The following SLC39A9 variants were observed in gnomAD, a reference collection of about 807,000 sequenced individuals.
SLC39A9 encodes the protein zinc transporter ZIP9.
A neutral mutation model predicts 28.4 loss-of-function variants in SLC39A9; 14 were observed. The observed-to-expected ratio is 0.49, with a 90% confidence interval of 0.33 to 0.77. The LOEUF is 0.77. Among genes scored for constraint, SLC39A9 ranks in the 30% least tolerant of loss-of-function variants. SLC39A9 has a pLI of 0.02. For synonymous variants in SLC39A9, 119 were observed against 149.6 expected, an observed-to-expected ratio of 0.80 and a Z score of 1.49; for missense variants, 283 against 381.1, an observed-to-expected ratio of 0.74 and a Z score of 2.14.
intron 6 of SLC39A9, among the ~76,000 whole-genome samples, chr14:69,456,411 A>G (rs1229606845): frequency 6.6e-6 from 1 of 152,238 alleles, no homozygotes; most frequent in Non-Finnish European, 1.5e-5. Context: ...ACACACTGTT[A>G]GCAACTAAGA....
intron 1 of SLC39A9, among the ~76,000 whole-genome samples, chr14:69,403,499 T>G (rs1373068194): frequency 6.6e-6 from 1 of 152,198 alleles, no homozygotes; most frequent in Non-Finnish European, 1.5e-5. Flanking sequence ...AAAGGATCAG[T>G]TTTTGTTTTT....
Position 69,459,730 on chromosome 14 carries a change from G to T in SLC39A9, c.*1137G>T. 1 of 984,780 alleles carries T rather than the reference G, an allele frequency of 1.0e-6. No individual in the cohort carries two copies. 61.0% of individuals were successfully genotyped at this position (984,780 alleles called of 1,614,324 possible). A position where few individuals can be genotyped will look rare whatever the true frequency, so the allele number is the denominator to read the frequency against. On this transcript the variant is annotated 3_prime_UTR_variant, in exon 7 of 7. Coordinates refer to ENST00000336643, the MANE Select transcript of SLC39A9 (RefSeq NM_018375.5). ...AAAGCTTATTGGAATCATGTCTCTT[G>T]TCTCTTCGTCTTTTCTTTGCTTTTC...
chr14:69,454,636 C>G (rs991840273), intron 4 of SLC39A9, 176 bp from the exon 5 acceptor site: 1 of 487,544 alleles, frequency 2.1e-6, no homozygotes, highest in East Asian at 3.1e-5. Context: ...TCATGAAAAC[C>G]CTAAGAAATA....
chr14:69,453,216 G>T (rs1885699511), intron 3 of SLC39A9, 25 bp from the exon 4 acceptor site: 18 of 1,598,654 alleles, frequency 1.1e-5, no homozygotes, highest in Non-Finnish European at 1.5e-5. Flanking sequence ...ATAGCTTAAC[G>T]CTGTCTTTCT....
At chr14:69,416,114 C>T (rs1472778801) in intron 1 of SLC39A9, among the ~76,000 whole-genome samples, 1 of 152,006 alleles carries the variant, frequency 6.6e-6, no homozygotes, top group Non-Finnish European at 1.5e-5. Context: ...GTTCCCCACC[C>T]TGTGTCCAAG....
intron 1 of SLC39A9, among the ~76,000 whole-genome samples, chr14:69,421,304 G>C (rs1016114781): frequency 6.6e-5 from 10 of 152,224 alleles, no homozygotes; most frequent in African/African-American, 2.4e-4. Flanking sequence ...TCCAGATGCT[G>C]TTTGCCTTGG....
In SLC39A9 at chr14:69,459,425, ACAGT is replaced by A. The variant is rs895483765; in HGVS notation, c.*836_*839del. Reference sequence around the variant, plus strand: ...TTCAGTTCTAGGCTTTCCTTCAAGAACAGTCAGATCACAAAGTGTCTTTGGAAAT... The same window carrying A: ...TTCAGTTCTAGGCTTTCCTTCAAGAACAGATCACAAAGTGTCTTTGGAAAT... On this transcript the variant is annotated 3_prime_UTR_variant, in exon 7 of 7. Transcript: ENST00000336643. 3.0e-6 allele frequency: 3 copies of A among 985,334 alleles called. No homozygotes were observed. Among genetic ancestry groups the A allele is most frequent in the African/African-American group, 3.5e-5 (2 of 57,244 alleles). The allele number at this position is 985,334 out of a possible 1,614,324, so 61.0% of individuals were successfully genotyped here. A position where few individuals can be genotyped will look rare whatever the true frequency, so the allele number is the denominator to read the frequency against.
intron 4 of SLC39A9, among the ~76,000 whole-genome samples, chr14:69,453,756 T>A (rs1721352260): frequency 6.6e-6 from 1 of 152,188 alleles, no homozygotes; most frequent in East Asian, 1.9e-4. Flanking sequence ...CAAATGTGAC[T>A]GATGTTAGAA....
intron 1 of SLC39A9, among the ~76,000 whole-genome samples, chr14:69,419,329 C>G (rs918765338): frequency 6.6e-6 from 1 of 152,152 alleles, no homozygotes; most frequent in Non-Finnish European, 1.5e-5. Flanking sequence ...ATTTCTTAAT[C>G]CTGAGTTCTA....
At chr14:69,428,030 C>G (rs1296993102) in intron 2 of SLC39A9, among the ~76,000 whole-genome samples, 1 of 152,164 alleles carries the variant, frequency 6.6e-6, no homozygotes, top group Non-Finnish European at 1.5e-5. Context: ...CCTATAATCC[C>G]AGCACTTTGG....
chr14:69,453,104 A>C, intron 3 of SLC39A9, 137 bp from the exon 4 acceptor site: 2 of 628,828 alleles, frequency 3.2e-6, no homozygotes, highest in East Asian at 2.9e-5. Flanking sequence ...TGGGAGGGTG[A>C]GGCGGGCGGA....
intron 1 of SLC39A9, among the ~76,000 whole-genome samples, chr14:69,418,799 G>A (rs112049838): frequency 2.6e-5 from 4 of 152,282 alleles, no homozygotes; most frequent in African/African-American, 9.6e-5. Flanking sequence ...TTTGCGTAGA[G>A]GTGTGTATAG....
Position 69,424,191 on chromosome 14 carries a change from A to G in SLC39A9, c.194A>G (p.Asp65Gly), listed in dbSNP as rs1179246371. Residue 65 changes from aspartate (D) to glycine (G), a missense_variant, in exon 2 of 7, where the codon GAT becomes GGT. Asp to Gly is a moderately conservative substitution (Grantham distance 94). Transcript: ENST00000336643. Reference sequence around the variant, plus strand: ...GAAGGAGTACATGCCCTTTATGAAGATATTCTTGAGGGTGAGAAAGGGAAG... The same window carrying G: ...GAAGGAGTACATGCCCTTTATGAAGGTATTCTTGAGGGTGAGAAAGGGAAG... ...VPEGVHALYEDILEGKHHQAS... is the reference protein window; with the variant it reads ...VPEGVHALYEGILEGKHHQAS... The G allele has an allele frequency of 1.9e-6, 3 of 1,611,768 alleles. No individual in the cohort carries two copies. The highest frequency in any genetic ancestry group is 2.5e-6 in the Non-Finnish European group (3 of 1,177,990).
chr14:69,458,750 A>G lies in SLC39A9; in HGVS notation c.*157A>G. 7.2e-7 allele frequency: 1 copy of G among 1,382,204 alleles called. No homozygotes were observed. Among genetic ancestry groups the G allele is most frequent in the Admixed American group, 3.0e-5 (1 of 33,678 alleles). The allele number at this position is 1,382,204 out of a possible 1,614,324, so 85.6% of individuals were successfully genotyped here. On this transcript the variant is annotated 3_prime_UTR_variant, in exon 7 of 7. Coordinates refer to ENST00000336643, the MANE Select transcript of SLC39A9 (RefSeq NM_018375.5). Reference sequence around the variant, plus strand: ...GGGAGGTGAGGTTAAAACCTGAGTAATGGAAAAGCTTTTAGAGTAGAAACA... The same window carrying G: ...GGGAGGTGAGGTTAAAACCTGAGTAGTGGAAAAGCTTTTAGAGTAGAAACA...
intron 6 of SLC39A9, among the ~76,000 whole-genome samples, chr14:69,456,833 G>T (rs1237798659): frequency 1.3e-5 from 2 of 152,178 alleles, no homozygotes; most frequent in Non-Finnish European, 2.9e-5. Flanking sequence ...TGTGAAAAAT[G>T]AGATAAAGAA....
At chr14:69,439,353 A>G (rs914973162) in intron 2 of SLC39A9, among the ~76,000 whole-genome samples, 1 of 152,168 alleles carries the variant, frequency 6.6e-6, no homozygotes, top group Non-Finnish European at 1.5e-5. Flanking sequence ...TAATAATAGC[A>G]TCAGAAAATA....
rs1053004047 is a variant in SLC39A9, at chr14:69,458,461, T to C, written c.792T>C (p.Pro264=). The C allele has an allele frequency of 3.1e-6, 5 of 1,614,246 alleles. No individual in the cohort carries two copies. Among genetic ancestry groups the C allele is most frequent in the African/African-American group, 2.7e-5 (2 of 75,064 alleles). The change falls in exon 7 of 7, where the codon CCT becomes CCC. Residue 264 remains proline, a synonymous_variant. Coordinates refer to ENST00000336643, the MANE Select transcript of SLC39A9 (RefSeq NM_018375.5). ...FLYVATVHVL[P]EVGGIGHSHK... Reference sequence around the variant, plus strand: ...ATGTTGCCACAGTACATGTCCTCCCTGAGGTGGGCGGAATAGGGCACAGCC... The same window carrying C: ...ATGTTGCCACAGTACATGTCCTCCCCGAGGTGGGCGGAATAGGGCACAGCC...
chr14:69,449,933 A>T (rs950190055), intron 3 of SLC39A9, among the ~76,000 whole-genome samples: 1 of 152,044 alleles, frequency 6.6e-6, no homozygotes, highest in Admixed American at 6.6e-5. Flanking sequence ...CACACCTGTA[A>T]TCCCAGCACT....
Position 69,398,831 on chromosome 14 carries a change from A to G in SLC39A9, c.-539A>G, listed in dbSNP as rs2140237901. 1 of 201,744 alleles carries G rather than the reference A, an allele frequency of 5.0e-6. No homozygotes were observed. The highest frequency in any genetic ancestry group is 2.4e-5 in the African/African-American group (1 of 41,836). 12.5% of individuals were successfully genotyped at this position (201,744 alleles called of 1,614,324 possible). On this transcript the variant is annotated 5_prime_UTR_variant, in exon 1 of 7. Transcript: ENST00000336643. ...TCAACTTTGCTGCTGAACCCCTAGG[A>G]CCCATCGTTAGAGACCTGCAGGACT...
Sources: gnomAD v4.1 joint callset for allele counts (sites outside exome capture counted in the v4.1 genomes callset) on GRCh38, gnomAD v4.1.1 for gene constraint, MANE v1.5 for transcripts, NCBI Gene and HGNC (gene_info 2026-07-23, HGNC 2026-07-21) for gene names.